Variants in IRAK2 observed in about 807,000 individuals in gnomAD.
IRAK2 encodes the protein interleukin 1 receptor associated kinase 2, also known as interleukin-1 receptor-associated kinase-like 2.
Under a neutral mutation model 72.0 loss-of-function variants are expected in IRAK2, and 57 were observed. The observed-to-expected ratio is 0.79, with a 90% CI of 0.64 to 0.99. The LOEUF (loss-of-function observed/expected upper bound fraction) is 0.99. Among genes scored for constraint, IRAK2 ranks in the 50% least tolerant of loss-of-function variants. The probability of loss-of-function intolerance (pLI) is 0.00; values close to 1 mark genes in which losing one functional copy is unlikely to be tolerated. For missense variants in IRAK2, 790 were observed against 794.4 expected (o/e 0.99, Z 0.07); for synonymous variants, 293 against 312.7 (o/e 0.94, Z 0.67).
rs544351142 is a variant in IRAK2 at position 10,186,237 on chromosome 3, T to C, written c.277+8217T>C. On this transcript the variant is annotated intron_variant, in intron 2 of 12. Transcript: ENST00000256458. ...TTGGCTTTCACAAACCACCTCCTGCTGGTGTGGGTTTGGGGACTTGAGTGG... is the reference window on the plus strand; with the variant it reads ...TTGGCTTTCACAAACCACCTCCTGCCGGTGTGGGTTTGGGGACTTGAGTGG... 1.6e-4 allele frequency among the ~76,000 whole-genome samples: 25 copies of C among 151,880 alleles called. No homozygotes were observed. The South Asian group carries it at 5.0e-3, about 30-fold the overall frequency.
In IRAK2 at chr3:10,243,399, C is replaced by G. The variant is rs1244779717; in HGVS notation, c.*1171C>G. On this transcript the variant is annotated 3_prime_UTR_variant, in exon 13 of 13. Transcript: ENST00000256458. ...AGGAGAATGCATTTCATGTCTGATTCTGCTGCTAATTAAGTCAATCATTTA... is the reference window on the plus strand; with the variant it reads ...AGGAGAATGCATTTCATGTCTGATTGTGCTGCTAATTAAGTCAATCATTTA... The G allele has an allele frequency of 6.6e-6, 1 of 152,626 alleles. No homozygotes were observed. The highest frequency in any genetic ancestry group is 2.4e-5 in the African/African-American group (1 of 41,452). The allele number at this position is 152,626 out of a possible 1,614,324, so 9.5% of individuals were successfully genotyped here.
chr3:10,223,867 CCTGT>C (rs1241388583), intron 9 of IRAK2, among the ~76,000 whole-genome samples: 1 of 151,316 alleles, frequency 6.6e-6, no homozygotes, highest in East Asian at 1.9e-4. Context: ...ACCACAGTCT[CCTGT>C]CTGTCTACCT....
intron 7 of IRAK2, among the ~76,000 whole-genome samples, chr3:10,219,281 G>T (rs1697651017): frequency 6.6e-6 from 1 of 152,142 alleles, no homozygotes; most frequent in South Asian, 2.1e-4. Flanking sequence ...AGGATCAGGA[G>T]CCTGGGACCC....
At chr3:10,172,763 A>G (rs1696817553) in intron 1 of IRAK2, among the ~76,000 whole-genome samples, 2 of 133,460 alleles carry the variant, frequency 1.5e-5, no homozygotes, top group Admixed American at 1.7e-4. Context: ...GTGTGAACCC[A>G]GGAGGTGGAG....
At chr3:10,167,370 A>T (rs1696710034) in intron 1 of IRAK2, among the ~76,000 whole-genome samples, 1 of 151,996 alleles carries the variant, frequency 6.6e-6, no homozygotes, top group African/African-American at 2.4e-5. Context: ...ACTTGTTTCA[A>T]CTAACATGAG....
intron 1 of IRAK2, among the ~76,000 whole-genome samples, chr3:10,177,076 C>T (rs1175776568): frequency 2.6e-5 from 4 of 152,108 alleles, no homozygotes; most frequent in Non-Finnish European, 5.9e-5. Flanking sequence ...GCTGGGATTA[C>T]AGGTGTGAGC....
At chr3:10,183,492 C>G (rs908579251) in intron 2 of IRAK2, among the ~76,000 whole-genome samples, 2 of 152,196 alleles carry the variant, frequency 1.3e-5, no homozygotes, top group Non-Finnish European at 2.9e-5. Flanking sequence ...CCGAGGCGGG[C>G]AGATCACAAG....
chr3:10,186,902 C>T (rs1056388181), intron 2 of IRAK2, among the ~76,000 whole-genome samples: 1 of 148,408 alleles, frequency 6.7e-6, no homozygotes, highest in South Asian at 2.1e-4. Flanking sequence ...TGTGCTCAAA[C>T]AGTCCTCTTG....
intron 11 of IRAK2, among the ~76,000 whole-genome samples, chr3:10,236,734 A>G (rs1409432563): frequency 6.6e-6 from 1 of 152,206 alleles, no homozygotes; most frequent in African/African-American, 2.4e-5. Context: ...TTCTTTCAGT[A>G]AGACTTTCAT....
At chr3:10,176,734 T>C (rs1166704945) in intron 1 of IRAK2, among the ~76,000 whole-genome samples, 8 of 151,280 alleles carry the variant, frequency 5.3e-5, no homozygotes, top group African/African-American at 1.2e-4. Context: ...GCCTTGGCCT[T>C]CCAAAGTGCT....
Position 10,234,673 on chromosome 3 carries a change from G to A in IRAK2, c.1473+14G>A, listed in dbSNP as rs762093860. 2.9e-5 allele frequency: 47 copies of A among 1,608,316 alleles called. No individual in the cohort carries two copies. The highest frequency in any genetic ancestry group is 5.0e-5 in the Admixed American group (3 of 59,834). ...AGCCTGCAGGAGGTGAGCCTCGCCC[G>A]CAGCGGCCTCGCTGCCTGGGCCACG... is the stretch of plus-strand genomic sequence containing the variant. On this transcript the variant is annotated intron_variant, in intron 11 of 12. Coordinates refer to ENST00000256458, the MANE Select transcript of IRAK2 (RefSeq NM_001570.4).
At chr3:10,219,857 C>T in intron 8 of IRAK2, 68 bp downstream of exon 8, 1 of 1,052,634 alleles carries the variant, frequency 9.5e-7, no homozygotes, top group South Asian at 1.3e-5. Context: ...CTATTCCTGG[C>T]TCACCTCCCG....
chr3:10,185,558 CA>C (rs770606601), intron 2 of IRAK2, among the ~76,000 whole-genome samples: 2,810 of 70,064 alleles, frequency 0.04, 32 homozygotes, highest in African/African-American at 0.057. Flanking sequence ...AACTCCGTCT[CA>C]AAAAAAAAAA....
chr3:10,218,390 C>T (rs1254317659), intron 7 of IRAK2, among the ~76,000 whole-genome samples: 2 of 146,950 alleles, frequency 1.4e-5, no homozygotes, highest in Non-Finnish European at 3.0e-5. Flanking sequence ...CACCACTGCA[C>T]TCCAGCCTGG....
intron 1 of IRAK2, among the ~76,000 whole-genome samples, chr3:10,168,106 A>G (rs541167158): frequency 4.7e-4 from 72 of 151,704 alleles, no homozygotes; most frequent in Non-Finnish European, 9.4e-4. Flanking sequence ...TTTATGTTTA[A>G]CTATTTGAGG....
At chr3:10,174,226 C>T (rs1204878049) in intron 1 of IRAK2, among the ~76,000 whole-genome samples, 1 of 152,194 alleles carries the variant, frequency 6.6e-6, no homozygotes, top group Non-Finnish European at 1.5e-5. Context: ...CTGGGGTTTC[C>T]AGTGACTAAC....
chr3:10,191,016 C>T (rs761044499), intron 2 of IRAK2, among the ~76,000 whole-genome samples: 121 of 152,130 alleles, frequency 8.0e-4, no homozygotes, highest in Non-Finnish European at 1.3e-3. Context: ...CTGGCTAGGC[C>T]GGGCGCGGTG....
At chr3:10,238,704 A>G (rs1312085219) in intron 11 of IRAK2, 44 bp from the exon 12 acceptor site, 1 of 1,580,970 alleles carries the variant, frequency 6.3e-7, no homozygotes, top group South Asian at 1.1e-5. Context: ...TTTCTATTTC[A>G]GAGAGAATTC....
intron 2 of IRAK2, among the ~76,000 whole-genome samples, chr3:10,199,039 G>A (rs934972880): frequency 1.4e-4 from 21 of 152,068 alleles, no homozygotes; most frequent in African/African-American, 4.8e-4. Flanking sequence ...ACATTATCTA[G>A]GCAATGGGGA....
Sources: allele counts gnomAD v4.1 joint callset (sites outside exome capture counted in the v4.1 genomes callset), GRCh38; gene constraint gnomAD v4.1.1; transcripts MANE v1.5; gene names NCBI Gene and HGNC (gene_info 2026-07-23, HGNC 2026-07-21).